The following SPMIP2 variants were observed in gnomAD, a reference collection of about 807,000 sequenced individuals.
SPMIP2 encodes protein SPMIP2.
chr4:159,022,455 C>T, the SPMIP2 span, among the ~76,000 whole-genome samples: 1 of 152,054 alleles, frequency 6.6e-6, no homozygotes, highest in Non-Finnish European at 1.5e-5. Context: ...AATTGGAGCA[C>T]ATGTGAGCTT....
At chr4:159,007,445 G>C in the SPMIP2 span, 1 of 678,272 alleles carries the variant, frequency 1.5e-6, no homozygotes, top group Admixed American at 1.8e-5. Context: ...GGTTAAGCCA[G>C]GAGTCTGTAG....
chr4:158,899,463 G>T, the SPMIP2 span, among the ~76,000 whole-genome samples: 209 of 152,312 alleles, frequency 1.4e-3, 1 homozygote, highest in East Asian at 0.013. Flanking sequence ...GAATTTGGCT[G>T]TGAATCCATC....
chr4:158,930,477 C>T, the SPMIP2 span, among the ~76,000 whole-genome samples: 2 of 149,828 alleles, frequency 1.3e-5, no homozygotes, highest in Admixed American at 6.6e-5. Flanking sequence ...CAAAGTGCTG[C>T]GATTACAGGC....
the SPMIP2 span, among the ~76,000 whole-genome samples, chr4:159,079,222 C>T: frequency 2.6e-5 from 4 of 152,080 alleles, no homozygotes; most frequent in Non-Finnish European, 5.9e-5. Context: ...TCCTAACCTC[C>T]AAAGTGATGT....
At chr4:159,063,981 T>C in the SPMIP2 span, among the ~76,000 whole-genome samples, 1 of 152,200 alleles carries the variant, frequency 6.6e-6, no homozygotes, top group East Asian at 1.9e-4. Flanking sequence ...AAAAAAGACA[T>C]GTAGGGAAAC....
the SPMIP2 span, among the ~76,000 whole-genome samples, chr4:158,900,780 T>G: frequency 1.3e-5 from 2 of 152,226 alleles, no homozygotes; most frequent in African/African-American, 4.8e-5. Context: ...GTCTTGACTC[T>G]TTATCCAGTT....
the SPMIP2 span, chr4:158,893,787 C>T: frequency 9.6e-7 from 1 of 1,039,666 alleles, no homozygotes. Flanking sequence ...TTTTATATTT[C>T]ATTCTATAAT....
chr4:159,027,627 A>G, the SPMIP2 span, among the ~76,000 whole-genome samples: 1 of 152,206 alleles, frequency 6.6e-6, no homozygotes, highest in African/African-American at 2.4e-5. Flanking sequence ...CTTAAACTGC[A>G]TTTGCAGTAG....
the SPMIP2 span, among the ~76,000 whole-genome samples, chr4:158,922,783 T>A: frequency 5.3e-5 from 8 of 152,216 alleles, no homozygotes; most frequent in Admixed American, 5.2e-4. Flanking sequence ...TAGCAATTTC[T>A]ATCTGTATGC....
At chr4:158,958,412 G>T in the SPMIP2 span, among the ~76,000 whole-genome samples, 2 of 152,134 alleles carry the variant, frequency 1.3e-5, no homozygotes, top group Admixed American at 1.3e-4. Flanking sequence ...GGGATTACAG[G>T]CATGAGCCAC....
chr4:158,953,215 T>C, the SPMIP2 span, among the ~76,000 whole-genome samples: 1 of 151,912 alleles, frequency 6.6e-6, no homozygotes, highest in Non-Finnish European at 1.5e-5. Flanking sequence ...GAGAAAATGG[T>C]TTAATGGGCT....
At chr4:158,992,204 CCAAATA>C in the SPMIP2 span, among the ~76,000 whole-genome samples, 1 of 152,200 alleles carries the variant, frequency 6.6e-6, no homozygotes, top group Non-Finnish European at 1.5e-5. Context: ...CAGTGTTTTC[CCAAATA>C]CTTCATCAAA....
chr4:158,971,456 G>A, the SPMIP2 span, among the ~76,000 whole-genome samples: 3 of 152,224 alleles, frequency 2.0e-5, no homozygotes, highest in Admixed American at 6.5e-5. Flanking sequence ...TGTAAGAGAC[G>A]TTGCTTATCA....
chr4:158,902,014 C>G, the SPMIP2 span, among the ~76,000 whole-genome samples: 1 of 152,168 alleles, frequency 6.6e-6, no homozygotes, highest in East Asian at 1.9e-4. Context: ...AATTCTCCAT[C>G]CAGTTTTGTT....
At chr4:158,945,051 C>T in the SPMIP2 span, among the ~76,000 whole-genome samples, 4 of 150,680 alleles carry the variant, frequency 2.7e-5, no homozygotes, top group Non-Finnish European at 4.4e-5. Context: ...GACTATGTCA[C>T]TGTCTTCATC....
At chr4:158,913,849 A>T in the SPMIP2 span, among the ~76,000 whole-genome samples, 1 of 151,152 alleles carries the variant, frequency 6.6e-6, no homozygotes, top group African/African-American at 2.4e-5. Context: ...CATATCTTAA[A>T]AAAAAAAAAA....
the SPMIP2 span, among the ~76,000 whole-genome samples, chr4:159,079,921 ATTAT>A: frequency 6.6e-6 from 1 of 152,184 alleles, no homozygotes; most frequent in Admixed American, 6.5e-5. Flanking sequence ...TTTTAATTGT[ATTAT>A]TTATGTTACC....
At chr4:159,041,324 A>T in the SPMIP2 span, among the ~76,000 whole-genome samples, 2 of 152,240 alleles carry the variant, frequency 1.3e-5, no homozygotes, top group Non-Finnish European at 1.5e-5. Flanking sequence ...ATAAATACAC[A>T]AAACATTATA....
the SPMIP2 span, among the ~76,000 whole-genome samples, chr4:158,921,330 T>G: frequency 6.6e-5 from 10 of 152,064 alleles, no homozygotes; most frequent in African/African-American, 2.2e-4. Context: ...TAATTCCAGC[T>G]ACTTGGAAGG....
Sources: allele counts gnomAD v4.1 joint callset (sites outside exome capture counted in the v4.1 genomes callset), GRCh38; gene constraint gnomAD v4.1.1; transcripts MANE v1.5; gene names NCBI Gene and HGNC (gene_info 2026-07-23, HGNC 2026-07-21).